Variants in BCAS3 observed in about 807,000 individuals in gnomAD.
BCAS3 encodes BCAS3 microtubule associated cell migration factor, also known as BCAS4/BCAS3 fusion.
In BCAS3, 53 loss-of-function variants were observed where a neutral mutation model predicts 116.1. The observed-to-expected ratio is 0.46, with a 90% CI of 0.37 to 0.57. The LOEUF (loss-of-function observed/expected upper bound fraction) is 0.57. BCAS3 is among the 20% of genes least tolerant of loss of function. BCAS3 has a pLI of 0.00. For missense variants in BCAS3, 917 were observed against 1,165.4 expected, an observed-to-expected ratio of 0.79 and a Z score of 3.10; for synonymous variants, 391 against 408.2, an observed-to-expected ratio of 0.96 and a Z score of 0.51.
intron 6 of BCAS3, among the ~76,000 whole-genome samples, chr17:60,753,129 A>C (rs578046759): frequency 6.6e-6 from 1 of 152,164 alleles, no homozygotes; most frequent in African/African-American, 2.4e-5. Context: ...GATGTGACCC[A>C]TTGTACCCAT....
intron 11 of BCAS3, among the ~76,000 whole-genome samples, chr17:60,904,865 A>G (rs1474073752): frequency 6.6e-6 from 1 of 152,208 alleles, no homozygotes; most frequent in Non-Finnish European, 1.5e-5. Flanking sequence ...AGATGTCTCC[A>G]GACCTAGAAA....
chr17:60,838,164 G>C (rs1227302500), intron 7 of BCAS3, among the ~76,000 whole-genome samples: 1 of 152,014 alleles, frequency 6.6e-6, no homozygotes, highest in Non-Finnish European at 1.5e-5. Flanking sequence ...TTAAATGAGA[G>C]ACTGAACAAA....
chr17:60,818,595 G>A (rs918816252), intron 7 of BCAS3, among the ~76,000 whole-genome samples: 1 of 152,240 alleles, frequency 6.6e-6, no homozygotes, highest in South Asian at 2.1e-4. Context: ...AGTTCTGACC[G>A]ATATTATCTC....
At chr17:61,335,551 C>T (rs1364023925) in intron 22 of BCAS3, among the ~76,000 whole-genome samples, 1 of 152,106 alleles carries the variant, frequency 6.6e-6, no homozygotes, top group African/African-American at 2.4e-5. Context: ...GCATCCACTC[C>T]CTAGGACTGT....
chr17:60,718,163 C>T (rs2038851449), intron 5 of BCAS3, among the ~76,000 whole-genome samples: 1 of 152,210 alleles, frequency 6.6e-6, no homozygotes, highest in Admixed American at 6.5e-5. Flanking sequence ...TGCTTCTCAC[C>T]TCCTGCTGTG....
At position 61,068,502 on chromosome 17, in the gene BCAS3, C is replaced by A. The variant is rs568162030; in HGVS notation, c.2030-6418C>A. On this transcript the variant is annotated intron_variant, in intron 19 of 23. Transcript: ENST00000407086. The surrounding 1 kb of genome is among the most constrained non-coding windows in gnomAD (Gnocchi z 4.3). Reference sequence around the variant, plus strand: ...TCCTGTCAGTTGTCTGGACTATGTCCATATTATTCTTGTACATGTATGAAA... The same window carrying A: ...TCCTGTCAGTTGTCTGGACTATGTCAATATTATTCTTGTACATGTATGAAA... 6.6e-6 allele frequency among the ~76,000 whole-genome samples: 1 copy of A among 152,266 alleles called. No individual in the cohort carries two copies. Among genetic ancestry groups the A allele is most frequent in the South Asian group, 2.1e-4 (1 of 4,818 alleles).
At position 61,122,849 on chromosome 17, in the gene BCAS3, T is replaced by A. The variant is rs1489632973; in HGVS notation, c.2425+38285T>A. 6.6e-6 allele frequency among the ~76,000 whole-genome samples: 1 copy of A among 152,240 alleles called. No homozygotes were observed. Among genetic ancestry groups the A allele is most frequent in the East Asian group, 1.9e-4 (1 of 5,204 alleles). ...ATGGCTATTGGAATTCACATACAGTTTGCATTTACTTTGATTTATGTTTAA... is the reference window on the plus strand; with the variant it reads ...ATGGCTATTGGAATTCACATACAGTATGCATTTACTTTGATTTATGTTTAA... On this transcript the variant is annotated intron_variant, in intron 22 of 23. Coordinates refer to ENST00000407086, the MANE Select transcript of BCAS3 (RefSeq NM_017679.5). The surrounding 1 kb of genome is among the most constrained non-coding windows in gnomAD (Gnocchi z 4.6).
intron 22 of BCAS3, among the ~76,000 whole-genome samples, chr17:61,305,794 G>A (rs995760407): frequency 6.6e-6 from 1 of 152,198 alleles, no homozygotes; most frequent in Non-Finnish European, 1.5e-5. Context: ...TACTCAGGAG[G>A]CTGAGGCATG....
At chr17:61,386,996 A>C (rs918762080) in intron 23 of BCAS3, among the ~76,000 whole-genome samples, 1 of 151,236 alleles carries the variant, frequency 6.6e-6, no homozygotes, top group African/African-American at 2.4e-5. Context: ...ATGGTCTTGA[A>C]CTCTTGGCTT....
At chr17:60,761,742 A>G (rs2043558834) in intron 6 of BCAS3, among the ~76,000 whole-genome samples, 1 of 147,954 alleles carries the variant, frequency 6.8e-6, no homozygotes, top group Non-Finnish European at 1.5e-5. Flanking sequence ...TGCTGGGCTA[A>G]ATGGTATTTC....
At chr17:61,143,860 C>G (rs920447358) in intron 22 of BCAS3, among the ~76,000 whole-genome samples, 1 of 152,016 alleles carries the variant, frequency 6.6e-6, no homozygotes. Context: ...GATAGGACAC[C>G]TACAAATTAG....
chr17:61,334,701 C>T (rs1031149463), intron 22 of BCAS3, among the ~76,000 whole-genome samples: 7 of 138,048 alleles, frequency 5.1e-5, no homozygotes, highest in South Asian at 4.7e-4. Flanking sequence ...ACCAAGAAAA[C>T]GATGTATCCA....
In BCAS3 at chr17:61,368,624, G is replaced by C; in HGVS notation, c.2593+130G>C. 1 of 1,095,546 alleles carries C rather than the reference G, an allele frequency of 9.1e-7. No homozygotes were observed. The highest frequency in any genetic ancestry group is 1.3e-6 in the Non-Finnish European group (1 of 785,912). 67.9% of individuals were successfully genotyped at this position (1,095,546 alleles called of 1,614,324 possible). On this transcript the variant is annotated intron_variant, in intron 23 of 23. Transcript: ENST00000407086. This position sits in a 1 kb window ranked among gnomAD's most constrained non-coding sequence, Gnocchi z 6.0. ...GGTTTCTTTAGTTAGCACTCCAGTG[G>C]CTATCCGTCTGAGGAGCTCTGGTGT...
At chr17:60,909,405 A>C (rs1205159677) in intron 11 of BCAS3, among the ~76,000 whole-genome samples, 1 of 152,186 alleles carries the variant, frequency 6.6e-6, no homozygotes, top group East Asian at 1.9e-4. Flanking sequence ...GAATTAGGTA[A>C]GGATTTTTTT....
At chr17:60,710,009 G>A (rs1210222152) in intron 5 of BCAS3, among the ~76,000 whole-genome samples, 1 of 152,014 alleles carries the variant, frequency 6.6e-6, no homozygotes, top group Non-Finnish European at 1.5e-5. Flanking sequence ...TTGAGATGGG[G>A]TCTGGCTGTA....
intron 7 of BCAS3, among the ~76,000 whole-genome samples, chr17:60,850,260 C>G (rs1379391653): frequency 6.8e-6 from 1 of 147,090 alleles, no homozygotes; most frequent in East Asian, 2.1e-4. Flanking sequence ...ATTACAGTAT[C>G]ATAAAGATAG....
Position 60,810,562 on chromosome 17 carries a change from A to G in BCAS3, c.476+2486A>G, listed in dbSNP as rs140943425. 6.1e-4 allele frequency: 523 copies of G among 859,996 alleles called. 1 individual carries two copies. The highest frequency in any genetic ancestry group is 4.9e-3 in the Middle Eastern group (21 of 4,296). 53.3% of individuals were successfully genotyped at this position (859,996 alleles called of 1,614,324 possible). ...AGACTGGAGCCATTACTTCAAGACCATCGAGGACCTGAGGGCTCAGATCTT... is the reference window on the plus strand; with the variant it reads ...AGACTGGAGCCATTACTTCAAGACCGTCGAGGACCTGAGGGCTCAGATCTT... On this transcript the variant is annotated intron_variant, in intron 7 of 23. Transcript: ENST00000407086.
At position 61,074,935 on chromosome 17, in the gene BCAS3, G is replaced by A. The variant is rs372139661; in HGVS notation, c.2045G>A (p.Ser682Asn). 6.2e-7 allele frequency: 1 copy of A among 1,612,616 alleles called. No homozygotes were observed. The highest frequency in any genetic ancestry group is 1.3e-5 in the African/African-American group (1 of 74,872). ...FLLAGLVPPG[S>N]PGPITRHGSY... The stretch of plus-strand genomic sequence containing the variant: ...TCTCCTATAGTGGTTCCCCCTGGAA[G>A]TCCTGGGCCCATTACTCGACATGGG... Residue 682 changes from serine (S) to asparagine (N), a missense_variant, in exon 20 of 24, where the codon AGT (serine) becomes AAT (asparagine). By Grantham distance (46) the Ser-to-Asn change is conservative. Around this residue, in one of 3 missense-constraint regions of BCAS3, gnomAD observed 807 missense variants for 1,026.0 expected, o/e 0.79. Coordinates refer to ENST00000407086, the MANE Select transcript of BCAS3 (RefSeq NM_017679.5).
intron 22 of BCAS3, among the ~76,000 whole-genome samples, chr17:61,264,754 T>A (rs1214628458): frequency 6.6e-6 from 1 of 152,070 alleles, no homozygotes; most frequent in African/African-American, 2.4e-5. Context: ...TAAAACCAGA[T>A]TGCAGAGGAA....
Sources: allele counts gnomAD v4.1 joint callset (sites outside exome capture counted in the v4.1 genomes callset), GRCh38; gene constraint gnomAD v4.1.1; regional missense constraint gnomAD v4.1.1; non-coding constraint Gnocchi (gnomAD v3.1); transcripts MANE v1.5; gene names NCBI Gene and HGNC (gene_info 2026-07-23, HGNC 2026-07-21).